Variants in EXOC3L2 observed in about 807,000 individuals in gnomAD.
EXOC3L2 encodes exocyst complex component 3 like 2.
A neutral mutation model predicts 44.4 loss-of-function variants in EXOC3L2; 17 were observed. The observed-to-expected ratio is 0.38, with a 90% CI of 0.26 to 0.57. EXOC3L2 has a LOEUF of 0.57. Ranked by LOEUF, EXOC3L2 falls within the 20% of genes least tolerant of loss-of-function variation. The pLI is 0.65. For missense variants in EXOC3L2, 541 were observed against 588.4 expected (o/e 0.92, Z 0.83); for synonymous variants, 256 against 253.7 (o/e 1.01, Z -0.09).
chr19:45,226,446 C>CT (rs1446087108), intron 7 of EXOC3L2, among the ~76,000 whole-genome samples: 3 of 151,624 alleles, frequency 2.0e-5, no homozygotes, highest in African/African-American at 4.8e-5. Flanking sequence ...CTTTTATTTT[C>CT]TTTTTTTTGA....
intron 8 of EXOC3L2, among the ~76,000 whole-genome samples, chr19:45,220,217 C>T (rs576292216): frequency 6.6e-6 from 1 of 151,354 alleles, no homozygotes; most frequent in South Asian, 2.1e-4. Flanking sequence ...CACAGTGGCT[C>T]ATGCCTGTAA....
rs574096470 is a variant in EXOC3L2, at chr19:45,238,885, C to G, written c.161G>C (p.Arg54Pro). ...GSLPNGTSCRRRATLEKLAGL... is the reference protein window; with the variant it reads ...GSLPNGTSCRPRATLEKLAGL... ...CGCAAGCTTCTCCAGGGTGGCGCGG[C>G]GGCGACAAGATGTTCCATTGGGGAG... The change falls in exon 2 of 12, where the codon CGC becomes CCC. Residue 54 changes from arginine to proline, a missense_variant. Transcript: ENST00000413988. The surrounding 1 kb of genome is among the most constrained non-coding windows in gnomAD (Gnocchi z 5.5). 2.5e-6 allele frequency: 1 copy of G among 399,070 alleles called. No homozygotes were observed. The highest frequency in any genetic ancestry group is 4.4e-6 in the Non-Finnish European group (1 of 226,204). The allele number at this position is 399,070 out of a possible 1,614,324, so 24.7% of individuals were successfully genotyped here. A position where few individuals can be genotyped will look rare whatever the true frequency, so the allele number is the denominator to read the frequency against.
At chr19:45,233,441 T>C (rs951907146) in intron 3 of EXOC3L2, among the ~76,000 whole-genome samples, 2 of 152,170 alleles carry the variant, frequency 1.3e-5, no homozygotes, top group African/African-American at 4.8e-5. Context: ...TCTAGAATTC[T>C]AAGTGTCATT....
intron 3 of EXOC3L2, among the ~76,000 whole-genome samples, chr19:45,233,200 A>G (rs1167836231): frequency 8.5e-5 from 13 of 152,066 alleles, no homozygotes; most frequent in Non-Finnish European, 1.8e-4. Context: ...TGGGCGACAG[A>G]GCAAGACTCC....
Position 45,212,786 on chromosome 19 carries a change from G to A in EXOC3L2, c.*283C>T, listed in dbSNP as rs1160146830. 5.1e-5 allele frequency: 18 copies of A among 354,080 alleles called. No individual in the cohort carries two copies. Among genetic ancestry groups the A allele is most frequent in the Non-Finnish European group, 8.0e-5 (16 of 199,768 alleles). 21.9% of individuals were successfully genotyped at this position (354,080 alleles called of 1,614,324 possible). A position where few individuals can be genotyped will look rare whatever the true frequency, so the allele number is the denominator to read the frequency against. On this transcript the variant is annotated 3_prime_UTR_variant, in exon 12 of 12. Coordinates refer to ENST00000413988, the MANE Select transcript of EXOC3L2 (RefSeq NM_001382422.1). ...ATTTTTTATTTTTTGTAGAGATAGG[G>A]GGCAGGTCTCACTATGTTGCCCAGG... is the stretch of plus-strand genomic sequence containing the variant.
intron 4 of EXOC3L2, among the ~76,000 whole-genome samples, chr19:45,229,777 G>C (rs1165602256): frequency 6.7e-6 from 1 of 149,740 alleles, no homozygotes; most frequent in East Asian, 1.9e-4. Context: ...CCCGGGAGGA[G>C]GAGGTTGCGG....
At chr19:45,227,373 G>A (rs1038904920) in intron 7 of EXOC3L2, among the ~76,000 whole-genome samples, 5 of 151,926 alleles carry the variant, frequency 3.3e-5, no homozygotes, top group African/African-American at 9.7e-5. Flanking sequence ...CGCCTGCCTC[G>A]GCCTCCCAAA....
At chr19:45,235,302 A>G (rs546525505) in intron 2 of EXOC3L2, among the ~76,000 whole-genome samples, 6 of 152,234 alleles carry the variant, frequency 3.9e-5, no homozygotes, top group African/African-American at 1.4e-4. Flanking sequence ...CTATCTCAAA[A>G]ATAAATAAAT....
chr19:45,236,280 A>G (rs1970083424), intron 2 of EXOC3L2, among the ~76,000 whole-genome samples: 2 of 152,032 alleles, frequency 1.3e-5, no homozygotes, highest in East Asian at 3.9e-4. Flanking sequence ...AGACTGACCA[A>G]TATGGTGAAA....
intron 10 of EXOC3L2, 144 bp from the exon 11 acceptor site, chr19:45,216,338 G>A: frequency 8.4e-7 from 1 of 1,187,882 alleles, no homozygotes; most frequent in Non-Finnish European, 1.1e-6. Context: ...CACTTTGGGA[G>A]GAGGCCGAGG....
intron 7 of EXOC3L2, among the ~76,000 whole-genome samples, chr19:45,225,580 C>A (rs1424233654): frequency 6.7e-6 from 1 of 149,548 alleles, no homozygotes; most frequent in African/African-American, 2.5e-5. Flanking sequence ...GTCTGGGGTT[C>A]TAATGGTCTA....
At chr19:45,242,449 G>C (rs1181376909) in intron 1 of EXOC3L2, among the ~76,000 whole-genome samples, 1 of 152,028 alleles carries the variant, frequency 6.6e-6, no homozygotes, top group Non-Finnish European at 1.5e-5. Context: ...ATGGGGTCTC[G>C]CTATATTGCC....
At position 45,243,993 on chromosome 19, in the gene EXOC3L2, G is replaced by A. The variant is rs1185820003; in HGVS notation, c.-17+1348C>T. Among the ~76,000 whole-genome samples, 5 of 151,412 alleles carry A rather than the reference G, an allele frequency of 3.3e-5. No individual in the cohort carries two copies. In the East Asian group the frequency reaches 9.7e-4, roughly 29 times the overall value. ...GGTTGGAGTGCAGTGGCATGGTCTC[G>A]GCTCACTGCAACCTCTGCTTCCCAG... On this transcript the variant is annotated intron_variant, in intron 1 of 11. Transcript: ENST00000413988.
chr19:45,245,088 C>T (rs1167091601), intron 1 of EXOC3L2, among the ~76,000 whole-genome samples: 2 of 151,996 alleles, frequency 1.3e-5, no homozygotes, highest in Non-Finnish European at 2.9e-5. Flanking sequence ...GTTTCTAATG[C>T]TCCCTTGCAC....
chr19:45,233,530 G>A (rs1385115567), intron 3 of EXOC3L2, among the ~76,000 whole-genome samples: 4 of 152,158 alleles, frequency 2.6e-5, no homozygotes, highest in Admixed American at 2.6e-4. Context: ...GACTGGAAGG[G>A]TGAACAGCTA....
chr19:45,241,211 C>T (rs1263980557), intron 1 of EXOC3L2, among the ~76,000 whole-genome samples: 1 of 152,150 alleles, frequency 6.6e-6, no homozygotes, highest in Non-Finnish European at 1.5e-5. Context: ...GCAAACCAGG[C>T]CGGGTGCAGT....
intron 10 of EXOC3L2, among the ~76,000 whole-genome samples, chr19:45,216,444 T>G (rs906937531): frequency 1.3e-4 from 20 of 152,124 alleles, no homozygotes; most frequent in African/African-American, 4.1e-4. Context: ...CCAGGCGTGG[T>G]GGTGCACACC....
chr19:45,215,419 C>T (rs746763453), intron 11 of EXOC3L2, among the ~76,000 whole-genome samples: 2 of 151,760 alleles, frequency 1.3e-5, no homozygotes, highest in African/African-American at 2.4e-5. Context: ...TGCAGTGAAC[C>T]GTGATTGTGC....
At chr19:45,232,547 C>T (rs1331660923) in intron 3 of EXOC3L2, among the ~76,000 whole-genome samples, 1 of 152,106 alleles carries the variant, frequency 6.6e-6, no homozygotes, top group East Asian at 1.9e-4. Context: ...GTTGGAAGAA[C>T]CACCCACCCC....
Sources: allele counts gnomAD v4.1 joint callset (sites outside exome capture counted in the v4.1 genomes callset), GRCh38; gene constraint gnomAD v4.1.1; non-coding constraint Gnocchi (gnomAD v3.1); transcripts MANE v1.5; gene names NCBI Gene and HGNC (gene_info 2026-07-23, HGNC 2026-07-21).